Variants in MYO18B observed in about 807,000 individuals in gnomAD.
The protein encoded by MYO18B is unconventional myosin-XVIIIb.
A neutral mutation model predicts 273.0 loss-of-function variants in MYO18B; 204 were observed. The observed-to-expected ratio is 0.75, with a 90% CI of 0.67 to 0.84. The LOEUF (loss-of-function observed/expected upper bound fraction) is 0.84. Among genes scored for constraint, MYO18B ranks in the 40% least tolerant of loss-of-function variants. The pLI is 0.00. For missense variants in MYO18B, 3,212 were observed against 3,287.6 expected (o/e 0.98, Z 0.56); for synonymous variants, 1,330 against 1,305.7 (o/e 1.02, Z -0.40).
At chr22:26,022,558 G>C (rs1025041173) in intron 42 of MYO18B, among the ~76,000 whole-genome samples, 6 of 152,204 alleles carry the variant, frequency 3.9e-5, no homozygotes, top group African/African-American at 1.4e-4. Context: ...GGGAAAGCCA[G>C]GAAGAAGCAC....
chr22:25,871,175 C>G (rs376663798), intron 22 of MYO18B, among the ~76,000 whole-genome samples: 1 of 152,084 alleles, frequency 6.6e-6, no homozygotes, highest in Non-Finnish European at 1.5e-5. Context: ...ACAAGAGAAT[C>G]GGCTGACCCA....
At chr22:25,762,966 A>G (rs1387375537) in intron 2 of MYO18B, 1 of 633,264 alleles carries the variant, frequency 1.6e-6, no homozygotes, top group Non-Finnish European at 3.0e-6. Context: ...GTGACTGTTC[A>G]TATCACAAGG....
intron 39 of MYO18B, among the ~76,000 whole-genome samples, chr22:25,973,205 G>A (rs932882732): frequency 6.6e-6 from 1 of 152,058 alleles, no homozygotes; most frequent in Admixed American, 6.6e-5. Context: ...ACTAATTGCC[G>A]AGTGAACCCA....
At chr22:26,001,895 T>G (rs1416704970) in intron 40 of MYO18B, among the ~76,000 whole-genome samples, 1 of 152,248 alleles carries the variant, frequency 6.6e-6, no homozygotes, top group African/African-American at 2.4e-5. Flanking sequence ...TGTGCTTTGA[T>G]TAGCTATTGG....
intron 1 of MYO18B, 120 bp from the exon 2 acceptor site, chr22:25,760,864 T>C: frequency 3.3e-6 from 2 of 597,190 alleles, no homozygotes; most frequent in Non-Finnish European, 6.0e-6. Context: ...TGTCTGTACC[T>C]GACTGTGCCC....
intron 1 of MYO18B, chr22:25,756,355 C>T (rs1014065820): frequency 4.6e-5 from 7 of 152,218 alleles, no homozygotes; most frequent in Admixed American, 6.5e-5. Flanking sequence ...GGCATGTGAC[C>T]TCATTAGAGC....
chr22:25,879,136 T>C (rs1352263501), intron 25 of MYO18B, among the ~76,000 whole-genome samples: 6 of 152,236 alleles, frequency 3.9e-5, no homozygotes, highest in Non-Finnish European at 8.8e-5. Context: ...TAAAGTTTTA[T>C]TGGAACACAG....
intron 17 of MYO18B, 23 bp downstream of exon 17, chr22:25,835,466 A>C (rs761159859): frequency 1.9e-6 from 3 of 1,613,074 alleles, no homozygotes; most frequent in South Asian, 1.1e-5. Context: ...GGGGCTGGGG[A>C]TGGGGCCTGA....
At chr22:25,810,341 G>T (rs1372197268) in intron 12 of MYO18B, among the ~76,000 whole-genome samples, 1 of 149,638 alleles carries the variant, frequency 6.7e-6, no homozygotes, top group Non-Finnish European at 1.5e-5. Context: ...CTCGTGATCC[G>T]CCTGCCTCAG....
chr22:25,905,939 A>G (rs1282736021), intron 31 of MYO18B, among the ~76,000 whole-genome samples: 1 of 152,212 alleles, frequency 6.6e-6, no homozygotes, highest in African/African-American at 2.4e-5. Flanking sequence ...AGAGCCAAGA[A>G]TAAAACAAGC....
intron 33 of MYO18B, among the ~76,000 whole-genome samples, chr22:25,919,516 A>G (rs1287301526): frequency 6.6e-6 from 1 of 152,250 alleles, no homozygotes; most frequent in Admixed American, 6.5e-5. Flanking sequence ...TATGACACTT[A>G]AAACTGTCTA....
chr22:25,845,077 A>G (rs1207445897), intron 18 of MYO18B, among the ~76,000 whole-genome samples: 1 of 152,180 alleles, frequency 6.6e-6, no homozygotes, highest in Admixed American at 6.5e-5. Flanking sequence ...AATCTGAGAA[A>G]TGGGAATGAG....
At chr22:25,820,147 A>T (rs2089220310) in intron 12 of MYO18B, among the ~76,000 whole-genome samples, 1 of 149,144 alleles carries the variant, frequency 6.7e-6, no homozygotes, top group African/African-American at 2.5e-5. Flanking sequence ...CAGGATTTTT[A>T]AAAATTAGCC....
At chr22:25,881,624 C>T (rs570403228) in intron 25 of MYO18B, among the ~76,000 whole-genome samples, 9 of 152,116 alleles carry the variant, frequency 5.9e-5, no homozygotes, top group East Asian at 1.9e-4. Context: ...GGGAGATGTG[C>T]GGGGATGAGA....
intron 6 of MYO18B, 102 bp from the exon 7 acceptor site, chr22:25,772,232 A>G: frequency 4.6e-6 from 5 of 1,088,586 alleles, no homozygotes; most frequent in Non-Finnish European, 6.5e-6. Flanking sequence ...CATAGCTCTC[A>G]AGAGGAGGGC....
At chr22:25,750,233 G>A (rs133864) in intron 1 of MYO18B, among the ~76,000 whole-genome samples, 64,889 of 151,924 alleles carry the variant, frequency 0.43, 17,106 homozygotes, top group African/African-American at 0.75. Flanking sequence ...GCGCCTTTGG[G>A]AGAGGGAGGA....
chr22:25,758,470 G>GA (rs746499378), intron 1 of MYO18B, among the ~76,000 whole-genome samples: 2,445 of 136,394 alleles, frequency 0.018, 31 homozygotes, highest in African/African-American at 0.026. Context: ...GGATTAAGAA[G>GA]AAAAAAAAAA....
Position 25,847,582 on chromosome 22 carries a change from G to A in MYO18B, c.3705G>A (p.Leu1235=), listed in dbSNP as rs746003019. The change falls in exon 20 of 44, where the codon CTG becomes CTA. Residue 1235 remains leucine, a synonymous_variant. Coordinates refer to ENST00000335473, the MANE Select transcript of MYO18B (RefSeq NM_032608.7). ...CTGGGGCAGGTGGACCTCTGGCCCTGGATATCCCAGCACTGAGGGTCCAGC... is the reference window on the plus strand; with the variant it reads ...CTGGGGCAGGTGGACCTCTGGCCCTAGATATCCCAGCACTGAGGGTCCAGC... ...DKPGAGGPLA[L]DIPALRVQLA... is the part of the protein sequence containing the mutation. The A allele has an allele frequency of 3.8e-6, 6 of 1,566,638 alleles. No homozygotes were observed. The East Asian group carries it at 1.4e-4, about 37-fold the overall frequency.
At position 25,770,934 on chromosome 22, in the gene MYO18B, A is replaced by G; in HGVS notation, c.1642A>G (p.Ile548Val). 1.9e-6 allele frequency: 3 copies of G among 1,552,226 alleles called. No individual in the cohort carries two copies. The highest frequency in any genetic ancestry group is 1.2e-5 in the South Asian group (1 of 84,060). Residue 548 changes from isoleucine to valine, a missense_variant, in exon 6 of 44, where the codon ATT (isoleucine) becomes GTT (valine). Physicochemically the swap from Ile to Val is conservative, Grantham distance 29. Coordinates refer to ENST00000335473, the MANE Select transcript of MYO18B (RefSeq NM_032608.7). ...GCCAGCAGGAAGGGTGAGACTTTGG[A>G]TTGATGCTGACAAAACCATCACTGA... ...DLPAGRVRLW[I>V]DADKTITEVD...
Sources: gnomAD v4.1 joint callset for allele counts (sites outside exome capture counted in the v4.1 genomes callset) on GRCh38, gnomAD v4.1.1 for gene constraint, MANE v1.5 for transcripts, NCBI Gene and HGNC (gene_info 2026-07-23, HGNC 2026-07-21) for gene names.